UVRAG: variants seen among roughly 807,000 people sequenced by gnomAD.
The protein encoded by UVRAG is UV radiation resistance-associated gene protein.
In UVRAG, 19 loss-of-function variants were observed where a neutral mutation model predicts 78.0. The observed-to-expected ratio is 0.24, with a 90% CI of 0.17 to 0.36. The LOEUF (loss-of-function observed/expected upper bound fraction) is 0.36, where lower values mean the gene tolerates loss of function less well. Ranked by LOEUF, UVRAG falls within the 10% of genes least tolerant of loss-of-function variation. The pLI, the probability that UVRAG is intolerant of heterozygous loss-of-function variation, is 1.00. For synonymous variants in UVRAG, 323 were observed against 324.6 expected, an observed-to-expected ratio of 1.00 and a Z score of 0.05; for missense variants, 740 against 853.8, an observed-to-expected ratio of 0.87 and a Z score of 1.66.
At chr11:76,140,086 TCTCC>T (rs1565177296) in intron 14 of UVRAG, among the ~76,000 whole-genome samples, 131 of 7,722 alleles carry the variant, frequency 0.017, 15 homozygotes, top group African/African-American at 0.095. Context: ...TCCCTCCCCC[TCTCC>T]CCCTCCCTCC....
intron 14 of UVRAG, among the ~76,000 whole-genome samples, chr11:76,116,735 C>A (rs1458216882): frequency 6.6e-6 from 1 of 152,182 alleles, no homozygotes; most frequent in African/African-American, 2.4e-5. Flanking sequence ...GAAAGCAGGC[C>A]TGTAGAGTTA....
At chr11:76,051,472 C>A (rs1391854823) in intron 12 of UVRAG, among the ~76,000 whole-genome samples, 5 of 151,758 alleles carry the variant, frequency 3.3e-5, no homozygotes, top group Admixed American at 3.3e-4. Flanking sequence ...TCAACAGTTA[C>A]AAAAAGGGTG....
At chr11:75,850,741 T>C (rs1946138678) in intron 1 of UVRAG, among the ~76,000 whole-genome samples, 1 of 152,204 alleles carries the variant, frequency 6.6e-6, no homozygotes, top group Non-Finnish European at 1.5e-5. Context: ...GGGTGTGAAA[T>C]GGAAACCATT....
At chr11:76,002,591 CT>C (rs1485388452) in intron 8 of UVRAG, among the ~76,000 whole-genome samples, 1 of 152,110 alleles carries the variant, frequency 6.6e-6, no homozygotes, top group Admixed American at 6.5e-5. Flanking sequence ...CATATACTTT[CT>C]GATGAAGTAT....
intron 13 of UVRAG, among the ~76,000 whole-genome samples, chr11:76,085,063 CAAAAAAAAA>C (rs781218840): frequency 0.06 from 2,967 of 49,614 alleles, 128 homozygotes; most frequent in African/African-American, 0.14. Flanking sequence ...GACCCTGTCT[CAAAAAAAAA>C]AAAAAAAAAA....
chr11:76,065,835 G>GT (rs777624511), intron 13 of UVRAG, 47 bp downstream of exon 13: 3 of 1,570,096 alleles, frequency 1.9e-6, no homozygotes, highest in Non-Finnish European at 2.6e-6. Flanking sequence ...TGCACAGCCT[G>GT]TTTCCTTAGA....
chr11:75,841,378 A>G (rs1402362161), intron 1 of UVRAG, among the ~76,000 whole-genome samples: 1 of 152,250 alleles, frequency 6.6e-6, no homozygotes, highest in Non-Finnish European at 1.5e-5. Context: ...TAACTAAAAA[A>G]GAAGAGTATG....
intron 14 of UVRAG, among the ~76,000 whole-genome samples, chr11:76,132,434 AG>A (rs750638379): frequency 2.6e-5 from 4 of 152,114 alleles, no homozygotes; most frequent in Non-Finnish European, 5.9e-5. Context: ...AACATTTTGT[AG>A]GGAGGGAAAG....
chr11:75,903,558 T>A (rs1223216899), intron 5 of UVRAG, among the ~76,000 whole-genome samples: 2 of 152,228 alleles, frequency 1.3e-5, no homozygotes, highest in Admixed American at 6.5e-5. Context: ...TGTGTGGGAC[T>A]TTCCTTCACT....
At position 75,829,545 on chromosome 11, in the gene UVRAG, T is replaced by C. The variant is rs531700464; in HGVS notation, c.117+14021T>C. 2.6e-5 allele frequency among the ~76,000 whole-genome samples: 4 copies of C among 152,324 alleles called. No individual in the cohort carries two copies. In the East Asian group the frequency reaches 7.7e-4, roughly 29 times the overall value. On this transcript the variant is annotated intron_variant, in intron 1 of 14. Transcript: ENST00000356136. ...GTGAATGCTTGTAAATGCCAGAGAC[T>C]GTTTAGGTGCTGGAAGTAAAACAGC... is the stretch of plus-strand genomic sequence containing the variant.
intron 7 of UVRAG, among the ~76,000 whole-genome samples, chr11:75,966,673 T>C (rs905567631): frequency 1.3e-5 from 2 of 152,228 alleles, no homozygotes; most frequent in Non-Finnish European, 2.9e-5. Context: ...TAATACTGCA[T>C]AGTATTCTGG....
intron 3 of UVRAG, among the ~76,000 whole-genome samples, chr11:75,872,538 C>A (rs367772645): frequency 5.9e-5 from 9 of 151,994 alleles, no homozygotes; most frequent in African/African-American, 1.9e-4. Context: ...CAGGCGCGCC[C>A]CACCACGCCC....
At chr11:75,983,615 C>A in intron 8 of UVRAG, 102 bp downstream of exon 8, 3 of 1,376,884 alleles carry the variant, frequency 2.2e-6, no homozygotes, top group Non-Finnish European at 2.9e-6. Context: ...TAAATACAGT[C>A]ACACATCACT....
intron 6 of UVRAG, among the ~76,000 whole-genome samples, chr11:75,916,998 AC>A (rs1328189391): frequency 6.6e-6 from 1 of 152,242 alleles, no homozygotes; most frequent in Non-Finnish European, 1.5e-5. Context: ...TGGGAATGTT[AC>A]AAACCTTGTG....
intron 13 of UVRAG, among the ~76,000 whole-genome samples, chr11:76,100,692 A>G (rs1385730733): frequency 1.3e-5 from 2 of 152,124 alleles, no homozygotes; most frequent in Non-Finnish European, 2.9e-5. Flanking sequence ...TGATGTACAC[A>G]TTATTTCATG....
chr11:75,920,669 AAC>A (rs1292747035), intron 6 of UVRAG, among the ~76,000 whole-genome samples: 2 of 152,204 alleles, frequency 1.3e-5, no homozygotes, highest in African/African-American at 4.8e-5. Flanking sequence ...CACCCATGTT[AAC>A]AATCTGATAT....
intron 13 of UVRAG, among the ~76,000 whole-genome samples, chr11:76,081,025 T>C (rs1367555664): frequency 6.6e-6 from 1 of 152,218 alleles, no homozygotes; most frequent in Non-Finnish European, 1.5e-5. Flanking sequence ...AACATTTCTG[T>C]GTCTGTCCCC....
intron 5 of UVRAG, among the ~76,000 whole-genome samples, chr11:75,908,712 C>CTTTTTTTTTT (rs1024795820): frequency 6.6e-5 from 3 of 45,450 alleles, no homozygotes; most frequent in African/African-American, 2.6e-4. Context: ...TGGTTCTGGG[C>CTTTTTTTTTT]TTTTTTTTTT....
At chr11:76,107,031 C>G (rs1333175265) in intron 13 of UVRAG, among the ~76,000 whole-genome samples, 1 of 152,108 alleles carries the variant, frequency 6.6e-6, no homozygotes, top group South Asian at 2.1e-4. Flanking sequence ...TTGCAATGTG[C>G]GTTACTAATC....
Sources: gnomAD v4.1 joint callset for allele counts (sites outside exome capture counted in the v4.1 genomes callset) on GRCh38, gnomAD v4.1.1 for gene constraint, MANE v1.5 for transcripts, NCBI Gene and HGNC (gene_info 2026-07-23, HGNC 2026-07-21) for gene names.